PRKCH: variants seen among roughly 807,000 people sequenced by gnomAD.
The protein encoded by PRKCH is protein kinase C eta.
Under a neutral mutation model 82.5 loss-of-function variants are expected in PRKCH, and 28 were observed. The ratio of observed to expected loss-of-function variants is 0.34; its 90% CI spans 0.25 to 0.47. The LOEUF is 0.47. PRKCH is among the 20% of genes least tolerant of loss of function. PRKCH has a pLI of 1.00. For synonymous variants in PRKCH, 322 were observed against 327.4 expected (o/e 0.98, Z 0.18); for missense variants, 705 against 881.8 (o/e 0.80, Z 2.54).
Position 61,280,175 on chromosome 14 carries a change from C to T in PRKCH, c.-19+92507C>T, listed in dbSNP as rs745449451. ...AAGCCGGTGAGGATGCAGAGGGAGCCGACGACCAGGTAGGCGATGCCCAGG... is the reference window on the plus strand; with the variant it reads ...AAGCCGGTGAGGATGCAGAGGGAGCTGACGACCAGGTAGGCGATGCCCAGG... On this transcript the variant is annotated intron_variant, in intron 1 of 3. Coordinates refer to the PRKCH transcript ENST00000555185. This position sits in a 1 kb window ranked among gnomAD's most constrained non-coding sequence, Gnocchi z 5.0. 7.4e-6 allele frequency: 12 copies of T among 1,613,996 alleles called. No homozygotes were observed. Among genetic ancestry groups the T allele is most frequent in the African/African-American group, 2.7e-5 (2 of 74,920 alleles).
intron 1 of PRKCH, among the ~76,000 whole-genome samples, chr14:61,358,414 A>C (rs17098265): frequency 0.057 from 8,615 of 152,174 alleles, 729 homozygotes; most frequent in African/African-American, 0.19. Flanking sequence ...GCTTCCATAC[A>C]TAGCCAGTTA....
intron 1 of PRKCH, among the ~76,000 whole-genome samples, chr14:61,367,579 C>A (rs962535926): frequency 2.0e-5 from 3 of 151,950 alleles, no homozygotes; most frequent in African/African-American, 7.3e-5. Context: ...CTAACTCTGG[C>A]CTCTGTTGGA....
At chr14:61,502,053 T>G (rs1375464174) in intron 10 of PRKCH, among the ~76,000 whole-genome samples, 1 of 98,472 alleles carries the variant, frequency 1.0e-5, no homozygotes, top group Non-Finnish European at 1.8e-5. Context: ...TTCTTTTCTT[T>G]TCTTTTCTTT....
At position 61,263,847 on chromosome 14, in the gene PRKCH, T is replaced by TTGTGTGTGTGTGTG. The variant is rs56280986; in HGVS notation, c.-19+76215_-19+76228dup. Among the ~76,000 whole-genome samples, 156 of 144,300 alleles carry TTGTGTGTGTGTGTG rather than the reference T, an allele frequency of 1.1e-3. 1 individual carries two copies. The highest frequency in any genetic ancestry group is 3.5e-3 in the Middle Eastern group (1 of 288). 94.7% of individuals were successfully genotyped at this position (144,300 alleles called of 152,430 possible). A position where few individuals can be genotyped will look rare whatever the true frequency, so the allele number is the denominator to read the frequency against. On this transcript the variant is annotated intron_variant, in intron 1 of 3. Transcript: ENST00000555185. ...AGGAAAAGCATCTGAAGTCAGAGTATTGTGTGTGTGTGTGTGTGTGTGTGT... is the reference window on the plus strand; with the variant it reads ...AGGAAAAGCATCTGAAGTCAGAGTATTGTGTGTGTGTGTGTGTGTGTGTGTGTGTGTGTGTGTGT...
chr14:61,235,245 G>T (rs2044778180), intron 1 of PRKCH, among the ~76,000 whole-genome samples: 1 of 152,186 alleles, frequency 6.6e-6, no homozygotes, highest in Non-Finnish European at 1.5e-5. Flanking sequence ...CTGTGAGTCA[G>T]TAGAAACCCA....
chr14:61,518,430 GAATGCAA>G (rs757256381), intron 10 of PRKCH, among the ~76,000 whole-genome samples: 2 of 135,260 alleles, frequency 1.5e-5, no homozygotes, highest in Non-Finnish European at 3.0e-5. Context: ...AGGGGATGTG[GAATGCAA>G]AAAAAAAAAA....
intron 2 of PRKCH, among the ~76,000 whole-genome samples, chr14:61,391,702 G>C (rs2046684978): frequency 6.6e-6 from 1 of 152,178 alleles, no homozygotes; most frequent in African/African-American, 2.4e-5. Flanking sequence ...TTTGTGACCT[G>C]TAAGGGATTC....
intron 10 of PRKCH, among the ~76,000 whole-genome samples, chr14:61,490,292 A>G (rs1405673574): frequency 6.6e-6 from 1 of 152,192 alleles, no homozygotes; most frequent in Non-Finnish European, 1.5e-5. Context: ...GAACTTTTCA[A>G]CTTTGAGCTG....
At chr14:61,458,741 G>T (rs1265799581) in intron 9 of PRKCH, among the ~76,000 whole-genome samples, 1 of 152,164 alleles carries the variant, frequency 6.6e-6, no homozygotes, top group African/African-American at 2.4e-5. Context: ...AGCAAGCAGG[G>T]TTTCACGTGA....
chr14:61,315,217 C>T (rs1005132627), intron 1 of PRKCH, among the ~76,000 whole-genome samples: 4 of 152,138 alleles, frequency 2.6e-5, no homozygotes, highest in African/African-American at 9.7e-5. Context: ...CTCTCTCCTG[C>T]TTGCTGAGAG....
chr14:61,415,346 A>G (rs2140238229), intron 2 of PRKCH, among the ~76,000 whole-genome samples: 1 of 152,358 alleles, frequency 6.6e-6, no homozygotes, highest in Admixed American at 6.5e-5. Context: ...CATTTTAACA[A>G]GAGTTGCAGA....
chr14:61,501,490 T>G (rs1034876384), intron 10 of PRKCH, among the ~76,000 whole-genome samples: 4 of 152,108 alleles, frequency 2.6e-5, no homozygotes, highest in Non-Finnish European at 5.9e-5. Context: ...GTCTCGTACG[T>G]TTCCTCATTT....
chr14:61,543,313 G>A (rs2043211384), intron 12 of PRKCH: 1 of 152,276 alleles, frequency 6.6e-6, no homozygotes, highest in Middle Eastern at 3.4e-3. Context: ...TCATTCTCGG[G>A]GCCAGGTGTG....
Position 61,499,167 on chromosome 14 carries a change from A to G in PRKCH, c.1433+13511A>G, listed in dbSNP as rs575083111. On this transcript the variant is annotated intron_variant, in intron 10 of 13. Coordinates refer to ENST00000332981, the MANE Select transcript of PRKCH (RefSeq NM_006255.5). ...AGTACTTAAGCCTGGCAGGAAAAAA[A>G]GCTGAGTACACTGTGGTTTTAGAGT... 3.3e-5 allele frequency among the ~76,000 whole-genome samples: 5 copies of G among 152,338 alleles called. No homozygotes were observed. In the South Asian group the frequency reaches 6.2e-4, roughly 19 times the overall value.
chr14:61,503,149 A>T (rs530559518), intron 10 of PRKCH, among the ~76,000 whole-genome samples: 4 of 151,964 alleles, frequency 2.6e-5, no homozygotes, highest in Admixed American at 6.6e-5. Context: ...TGTCCATTTT[A>T]TTGCTGCACC....
At chr14:61,226,199 C>G (rs889878028) in intron 1 of PRKCH, among the ~76,000 whole-genome samples, 1 of 152,140 alleles carries the variant, frequency 6.6e-6, no homozygotes, top group African/African-American at 2.4e-5. Flanking sequence ...CATTTATTGG[C>G]CTCCACTCTG....
At chr14:61,403,878 C>G (rs1230293054) in intron 2 of PRKCH, among the ~76,000 whole-genome samples, 2 of 152,140 alleles carry the variant, frequency 1.3e-5, no homozygotes, top group Non-Finnish European at 2.9e-5. Flanking sequence ...GGTATTCTCT[C>G]TATGGAACTG....
At chr14:61,371,756 T>C (rs2046366604) in intron 1 of PRKCH, among the ~76,000 whole-genome samples, 1 of 152,226 alleles carries the variant, frequency 6.6e-6, no homozygotes, top group South Asian at 2.1e-4. Context: ...CTTCTTTCCA[T>C]ACTGTACTCT....
chr14:61,328,256 CAAAAAAA>C (rs71117811), intron 1 of PRKCH, among the ~76,000 whole-genome samples: 2 of 74,376 alleles, frequency 2.7e-5, no homozygotes, highest in Non-Finnish European at 2.3e-5. Context: ...GACTCCGTCT[CAAAAAAA>C]AAAAAAAAAA....
Sources: gnomAD v4.1 joint callset for allele counts (sites outside exome capture counted in the v4.1 genomes callset) on GRCh38, gnomAD v4.1.1 for gene constraint, Gnocchi (gnomAD v3.1) non-coding constraint, MANE v1.5 for transcripts, NCBI Gene and HGNC (gene_info 2026-07-23, HGNC 2026-07-21) for gene names.